Variants in DYNC1H1 observed in about 807,000 individuals in gnomAD.
The protein encoded by DYNC1H1 is cytoplasmic dynein 1 heavy chain 1.
In DYNC1H1, 51 loss-of-function variants were observed where a neutral mutation model predicts 527.1. That is an observed-to-expected ratio of 0.10 (90% confidence interval 0.08 to 0.12). The LOEUF (loss-of-function observed/expected upper bound fraction) is 0.12. Ranked by LOEUF, DYNC1H1 falls within the 10% of genes least tolerant of loss-of-function variation. The probability of loss-of-function intolerance (pLI) is 1.00; values close to 1 mark genes in which losing one functional copy is unlikely to be tolerated. For missense variants in DYNC1H1, 2,771 were observed against 5,971.8 expected (o/e 0.46, Z 17.66); for synonymous variants, 2,189 against 2,278.8 (o/e 0.96, Z 1.12).
intron 12 of DYNC1H1, 61 bp downstream of exon 12, chr14:101,994,385 C>T: frequency 6.2e-7 from 1 of 1,609,882 alleles, no homozygotes; most frequent in Non-Finnish European, 8.5e-7. Flanking sequence ...CTTAAGAGTA[C>T]AAGATATAAA....
In DYNC1H1 at chr14:102,018,219, AT is replaced by A. The variant is rs1235115453; in HGVS notation, c.8178-226del. ...GATGAGCCTGAAATAAGCCTTGGTT[AT>A]TTTTTCATCTTTGCTGGTTTTTCAA... is the stretch of plus-strand genomic sequence containing the variant. On this transcript the variant is annotated intron_variant, in intron 40 of 77. Coordinates refer to ENST00000360184, the MANE Select transcript of DYNC1H1 (RefSeq NM_001376.5). This position sits in a 1 kb window ranked among gnomAD's most constrained non-coding sequence, Gnocchi z 5.2. Among the ~76,000 whole-genome samples the A allele has an allele frequency of 2.0e-5, 3 of 152,176 alleles. No individual in the cohort carries two copies. In the East Asian group the frequency reaches 5.8e-4, roughly 29 times the overall value.
At position 101,994,402 on chromosome 14, in the gene DYNC1H1, G is replaced by A; in HGVS notation, c.3156+78G>A. ...TAAGAGTACAAGATATAAAGAACATGGAGCTAAAAGGTCTTGACTGTATGT... is the reference window on the plus strand; with the variant it reads ...TAAGAGTACAAGATATAAAGAACATAGAGCTAAAAGGTCTTGACTGTATGT... On this transcript the variant is annotated intron_variant, in intron 12 of 77. Coordinates refer to ENST00000360184, the MANE Select transcript of DYNC1H1 (RefSeq NM_001376.5). 1.9e-6 allele frequency: 3 copies of A among 1,599,116 alleles called. No individual in the cohort carries two copies. In the South Asian group the frequency reaches 3.3e-5, roughly 18 times the overall value.
Position 102,044,928 on chromosome 14 carries a change from A to G in DYNC1H1, c.13006+230A>G, listed in dbSNP as rs943393308. On this transcript the variant is annotated intron_variant, in intron 72 of 77. Transcript: ENST00000360184. The surrounding 1 kb of genome is among the most constrained non-coding windows in gnomAD (Gnocchi z 7.1). The stretch of plus-strand genomic sequence containing the variant: ...GAAAGAACTGGCTCTTCTCTGCAGC[A>G]TCAACTCAGTTCTAGAGAAAAGGCT... 1 of 590,890 alleles carries G rather than the reference A, an allele frequency of 1.7e-6. No individual in the cohort carries two copies. The highest frequency in any genetic ancestry group is 3.0e-5 in the Admixed American group (1 of 33,806). 36.6% of individuals were successfully genotyped at this position (590,890 alleles called of 1,614,324 possible). A position where few individuals can be genotyped will look rare whatever the true frequency, so the allele number is the denominator to read the frequency against.
At chr14:102,008,105 T>G in intron 28 of DYNC1H1, 73 bp from the exon 29 acceptor site, 1 of 1,603,004 alleles carries the variant, frequency 6.2e-7, no homozygotes, top group Non-Finnish European at 8.5e-7. Context: ...CATACTGATT[T>G]GTGGCAAGGG....
At chr14:101,990,169 T>A (rs371840547) in intron 10 of DYNC1H1, among the ~76,000 whole-genome samples, 2 of 152,268 alleles carry the variant, frequency 1.3e-5, no homozygotes, top group South Asian at 4.1e-4. Flanking sequence ...GACTATCTAG[T>A]GGAGACGAAG....
chr14:101,968,019 A>G (rs1427194417), intron 1 of DYNC1H1, among the ~76,000 whole-genome samples: 1 of 152,254 alleles, frequency 6.6e-6, no homozygotes, highest in Non-Finnish European at 1.5e-5. Flanking sequence ...TGCTTACAGC[A>G]TGGTGACAAA....
intron 69 of DYNC1H1, chr14:102,043,169 G>A (rs1567023033): frequency 6.4e-6 from 2 of 310,518 alleles, no homozygotes; most frequent in South Asian, 5.7e-5. Context: ...TATAATCCCA[G>A]CTACTGGGGA....
Position 101,979,702 on chromosome 14 carries a change from A to G in DYNC1H1, c.519-17A>G, listed in dbSNP as rs370195127. Reference sequence around the variant, plus strand: ...CCAATAGCACACTAAATGTTGAGGTATGAAATCTGTTTTTAGGGATGGTGA... The same window carrying G: ...CCAATAGCACACTAAATGTTGAGGTGTGAAATCTGTTTTTAGGGATGGTGA... On this transcript the variant is annotated splice_polypyrimidine_tract_variant and intron_variant, in intron 3 of 77. Transcript: ENST00000360184. The surrounding 1 kb of genome is among the most constrained non-coding windows in gnomAD (Gnocchi z 4.6). The G allele has an allele frequency of 6.8e-5, 110 of 1,613,664 alleles. No homozygotes were observed. The highest frequency in any genetic ancestry group is 8.6e-5 in the Non-Finnish European group (102 of 1,180,036).
intron 69 of DYNC1H1, 34 bp from the exon 70 acceptor site, chr14:102,043,841 T>TA: frequency 6.2e-7 from 1 of 1,614,128 alleles, no homozygotes. Context: ...TGCTGTTTTC[T>TA]AATGACTCTG....
At position 102,001,478 on chromosome 14, in the gene DYNC1H1, G is replaced by T. The variant is rs569289337; in HGVS notation, c.4396-57G>T. 2 of 1,613,908 alleles carry T rather than the reference G, an allele frequency of 1.2e-6. No individual in the cohort carries two copies. Among genetic ancestry groups the T allele is most frequent in the East Asian group, 2.2e-5 (1 of 44,878 alleles). ...TGGTTCTTATAATGCTGGGTCCCTT[G>T]TGCAGGTAGTGAATGCCCACATATT... On this transcript the variant is annotated intron_variant, in intron 20 of 77. Coordinates refer to ENST00000360184, the MANE Select transcript of DYNC1H1 (RefSeq NM_001376.5). The surrounding 1 kb of genome is among the most constrained non-coding windows in gnomAD (Gnocchi z 5.0).
chr14:102,042,746 A>C lies in DYNC1H1; in HGVS notation c.12511A>C (p.Lys4171Gln). 6.2e-7 allele frequency: 1 copy of C among 1,614,090 alleles called. No individual in the cohort carries two copies. The highest frequency in any genetic ancestry group is 1.1e-5 in the South Asian group (1 of 91,066). Residue 4171 changes from lysine (K) to glutamine (Q), a missense_variant and splice_region_variant, in exon 69 of 78, where the codon AAG (lysine) becomes CAG (glutamine). Coordinates refer to ENST00000360184, the MANE Select transcript of DYNC1H1 (RefSeq NM_001376.5). The surrounding 1 kb of genome is among the most constrained non-coding windows in gnomAD (Gnocchi z 5.7). ...FSSIPVSRICKSPNERARLYF... is the reference protein window; with the variant it reads ...FSSIPVSRICQSPNERARLYF... Reference sequence around the variant, plus strand: ...CAGCATTCCCGTCTCACGGATATGCAAGGTAAGTACCTTGTCCTCCTGGTA... The same window carrying C: ...CAGCATTCCCGTCTCACGGATATGCCAGGTAAGTACCTTGTCCTCCTGGTA...
chr14:101,975,997 T>C (rs887150598), intron 2 of DYNC1H1, among the ~76,000 whole-genome samples, 198 bp downstream of exon 2: 2 of 150,438 alleles, frequency 1.3e-5, no homozygotes, highest in African/African-American at 4.9e-5. Flanking sequence ...ACCCTCTGCC[T>C]CCCGGGTTCA....
In DYNC1H1 at chr14:102,033,722, G is replaced by T. The variant is rs1366622350; in HGVS notation, c.10413+238G>T. The T allele has an allele frequency of 1.0e-5, 7 of 684,508 alleles. No individual in the cohort carries two copies. In the East Asian group the frequency reaches 1.6e-4, roughly 16 times the overall value. 42.4% of individuals were successfully genotyped at this position (684,508 alleles called of 1,614,324 possible). A position where few individuals can be genotyped will look rare whatever the true frequency, so the allele number is the denominator to read the frequency against. ...TCAGCCGTTGAATCCCCCACCAGCAGCTCCAGACCTGTTTGCTCTGCTGCC... is the reference window on the plus strand; with the variant it reads ...TCAGCCGTTGAATCCCCCACCAGCATCTCCAGACCTGTTTGCTCTGCTGCC... On this transcript the variant is annotated intron_variant, in intron 54 of 77. Transcript: ENST00000360184. The surrounding 1 kb of genome is among the most constrained non-coding windows in gnomAD (Gnocchi z 5.6).
Position 102,010,608 on chromosome 14 carries a change from G to A in DYNC1H1, c.6406-132G>A, listed in dbSNP as rs1028245406. 2 of 1,489,220 alleles carry A rather than the reference G, an allele frequency of 1.3e-6. No homozygotes were observed. The highest frequency in any genetic ancestry group is 1.9e-5 in the Admixed American group (1 of 52,534). The allele number at this position is 1,489,220 out of a possible 1,614,324, so 92.3% of individuals were successfully genotyped here. On this transcript the variant is annotated intron_variant, in intron 31 of 77. Transcript: ENST00000360184. The surrounding 1 kb of genome is among the most constrained non-coding windows in gnomAD (Gnocchi z 6.0). ...CTGTAATGTTGACCCAGTGAGTCGA[G>A]TGCACGAATGTGGGCGAGTGGTGCT...
Position 102,034,035 on chromosome 14 carries a change from A to G in DYNC1H1, c.10473A>G (p.Lys3491=), listed in dbSNP as rs201109134. ...CTGCTGAACGTGAACGATGGGAAAA[A>G]ACAAGTGAAACTTTCAAAAACCAGA... ...SLSAERERWE[K]TSETFKNQMS... is the part of the protein sequence containing the mutation. The change falls in exon 55 of 78, where the codon AAA becomes AAG. Residue 3491 remains lysine (K), a synonymous_variant. Coordinates refer to ENST00000360184, the MANE Select transcript of DYNC1H1 (RefSeq NM_001376.5). The G allele has an allele frequency of 4.3e-6, 7 of 1,614,124 alleles. No homozygotes were observed. The East Asian group carries it at 1.3e-4, about 31-fold the overall frequency.
rs774351913 is a variant in DYNC1H1 at position 102,049,709 on chromosome 14, C to T, written c.13516-5C>T. On this transcript the variant is annotated splice_polypyrimidine_tract_variant and splice_region_variant and intron_variant, in intron 75 of 77. Transcript: ENST00000360184. The surrounding 1 kb of genome is among the most constrained non-coding windows in gnomAD (Gnocchi z 5.5). Reference sequence around the variant, plus strand: ...CCTTCCCCTGGGGGCTGCTGCTTTCCACAGAACATCCACGTGTGCCTGGGT... The same window carrying T: ...CCTTCCCCTGGGGGCTGCTGCTTTCTACAGAACATCCACGTGTGCCTGGGT... 7 of 1,613,792 alleles carry T rather than the reference C, an allele frequency of 4.3e-6. No individual in the cohort carries two copies. Among genetic ancestry groups the T allele is most frequent in the Middle Eastern group, 1.6e-4 (1 of 6,084 alleles).
Position 102,044,715 on chromosome 14 carries a change from CTCCCCACACGCAGGGTGGGTGGCGAGGG to C in DYNC1H1, c.13006+23_13006+50del, listed in dbSNP as rs764477973. 29 of 1,612,690 alleles carry C rather than the reference CTCCCCACACGCAGGGTGGGTGGCGAGGG, an allele frequency of 1.8e-5. No homozygotes were observed. In the East Asian group the frequency reaches 6.5e-4, roughly 36 times the overall value. On this transcript the variant is annotated intron_variant, in intron 72 of 77. Coordinates refer to ENST00000360184, the MANE Select transcript of DYNC1H1 (RefSeq NM_001376.5). This position sits in a 1 kb window ranked among gnomAD's most constrained non-coding sequence, Gnocchi z 7.1. ...CCACACAGGGTAGGCAACAAGGATC[CTCCCCACACGCAGGGTGGGTGGCGAGGG>C]TCCCCTCACGCGGGGTGGGTGGCGA...
In DYNC1H1 at chr14:102,026,594, A is replaced by G. The variant is rs766611207; in HGVS notation, c.8658A>G (p.Gln2886=). The G allele has an allele frequency of 4.6e-5, 75 of 1,614,060 alleles. No homozygotes were observed. The highest frequency in any genetic ancestry group is 5.8e-5 in the Non-Finnish European group (68 of 1,180,050). ...WLSKDYIPVD[Q]EELRDYVKAR... is the part of the protein sequence containing the mutation. The stretch of plus-strand genomic sequence containing the variant: ...TATAGGATTACATCCCAGTAGACCA[A>G]GAAGAGTTAAGAGATTATGTCAAAG... Residue 2886 remains glutamine (Q), a synonymous_variant, in exon 44 of 78, where the codon CAA becomes CAG. Coordinates refer to ENST00000360184, the MANE Select transcript of DYNC1H1 (RefSeq NM_001376.5).
intron 43 of DYNC1H1, among the ~76,000 whole-genome samples, chr14:102,023,994 C>T (rs2048419511): frequency 6.6e-6 from 1 of 152,170 alleles, no homozygotes; most frequent in African/African-American, 2.4e-5. Flanking sequence ...TACGGGTTTG[C>T]AGTCACTGAT....
Sources: gnomAD v4.1 joint callset for allele counts (sites outside exome capture counted in the v4.1 genomes callset) on GRCh38, gnomAD v4.1.1 for gene constraint, Gnocchi (gnomAD v3.1) non-coding constraint, MANE v1.5 for transcripts, NCBI Gene and HGNC (gene_info 2026-07-23, HGNC 2026-07-21) for gene names.